Variants in NYAP2 observed in about 807,000 individuals in gnomAD.
The protein encoded by NYAP2 is neuronal tyrosine-phosphorylated phosphoinositide-3-kinase adapter 2.
In NYAP2, 23 loss-of-function variants were observed where a neutral mutation model predicts 50.4. The ratio of observed to expected loss-of-function variants is 0.46; its 90% CI spans 0.33 to 0.65. The LOEUF (loss-of-function observed/expected upper bound fraction) is 0.65, where lower values mean the gene tolerates loss of function less well. Among genes scored for constraint, NYAP2 ranks in the 30% least tolerant of loss-of-function variants. NYAP2 has a pLI of 0.02. For synonymous variants in NYAP2, 394 were observed against 365.2 expected (o/e 1.08, Z -0.90); for missense variants, 885 against 861.0 (o/e 1.03, Z -0.35).
chr2:225,468,776 G>C (rs1167053009), intron 3 of NYAP2, among the ~76,000 whole-genome samples: 3 of 152,150 alleles, frequency 2.0e-5, no homozygotes, highest in Non-Finnish European at 2.9e-5. Flanking sequence ...AAGTCACTGA[G>C]GACATGAAGA....
At chr2:225,456,126 T>C (rs1689734695) in intron 3 of NYAP2, among the ~76,000 whole-genome samples, 3 of 152,318 alleles carry the variant, frequency 2.0e-5, no homozygotes, top group Admixed American at 6.5e-5. Flanking sequence ...TTGTCACACA[T>C]TACATTTGCA....
chr2:225,444,277 C>T (rs1391624170), intron 3 of NYAP2, among the ~76,000 whole-genome samples: 1 of 152,092 alleles, frequency 6.6e-6, no homozygotes, highest in East Asian at 1.9e-4. Context: ...CCAACATGGC[C>T]AGAATCAATA....
intron 3 of NYAP2, among the ~76,000 whole-genome samples, chr2:225,500,875 C>A (rs1225302132): frequency 6.6e-6 from 1 of 152,108 alleles, no homozygotes; most frequent in Non-Finnish European, 1.5e-5. Context: ...TCATGCTAAT[C>A]CCTTTCTTCC....
chr2:225,460,238 A>G (rs1448796359), intron 3 of NYAP2, among the ~76,000 whole-genome samples: 4 of 152,210 alleles, frequency 2.6e-5, no homozygotes, highest in Admixed American at 6.5e-5. Context: ...CTATATAATT[A>G]ATAAGGTAGC....
intron 6 of NYAP2, among the ~76,000 whole-genome samples, chr2:225,633,950 C>T (rs1018953099): frequency 6.6e-6 from 1 of 152,180 alleles, no homozygotes; most frequent in Non-Finnish European, 1.5e-5. Context: ...ATGGATTTGA[C>T]CCTGTGGCAC....
intron 3 of NYAP2, among the ~76,000 whole-genome samples, chr2:225,476,589 TTATCATTTTCTC>T (rs1263162242): frequency 5.3e-5 from 8 of 152,118 alleles, no homozygotes. Context: ...TTAATCTGCA[TTATCATTTTCTC>T]TATCACTTTC....
chr2:225,559,663 AT>A (rs1257059232), intron 4 of NYAP2, among the ~76,000 whole-genome samples: 1 of 152,098 alleles, frequency 6.6e-6, no homozygotes, highest in Non-Finnish European at 1.5e-5. Flanking sequence ...AATGGAAGGA[AT>A]TTTAAAAGCT....
rs546484641 is a variant in NYAP2 at position 225,609,987 on chromosome 2, C to T, written c.1619-16930C>T. On this transcript the variant is annotated intron_variant, in intron 5 of 6. Transcript: ENST00000636099. Reference sequence around the variant, plus strand: ...GGTGTTACTGGGTAAGTCATATAACCTCATTGTGCGTTGGTTTCTTCATCA... The same window carrying T: ...GGTGTTACTGGGTAAGTCATATAACTTCATTGTGCGTTGGTTTCTTCATCA... Among the ~76,000 whole-genome samples the T allele has an allele frequency of 1.1e-3, 174 of 152,202 alleles. 3 individuals are homozygous for T. The highest frequency in any genetic ancestry group is 8.8e-5 in the Non-Finnish European group (6 of 68,010).
intron 6 of NYAP2, among the ~76,000 whole-genome samples, chr2:225,646,369 T>G (rs548721244): frequency 6.0e-4 from 91 of 152,242 alleles, no homozygotes; most frequent in Non-Finnish European, 1.0e-3. Context: ...CTGACCAACA[T>G]GGAGAAAACC....
intron 5 of NYAP2, among the ~76,000 whole-genome samples, chr2:225,614,316 A>G (rs1692949071): frequency 6.6e-6 from 1 of 152,176 alleles, no homozygotes. Flanking sequence ...CATTTTTTAA[A>G]CTATTTCTTA....
intron 3 of NYAP2, among the ~76,000 whole-genome samples, chr2:225,474,662 T>C (rs1012159095): frequency 4.6e-5 from 7 of 152,236 alleles, no homozygotes; most frequent in Non-Finnish European, 7.3e-5. Flanking sequence ...ATTGATTTTG[T>C]ATCCTGAGAC....
At chr2:225,589,516 A>AAAATATAT (rs112700820) in intron 5 of NYAP2, among the ~76,000 whole-genome samples, 14 of 71,338 alleles carry the variant, frequency 2.0e-4, no homozygotes, top group Non-Finnish European at 2.4e-4. Context: ...CTAAAAGTAA[A>AAAATATAT]ATATATATAT....
rs386392796 is a variant in NYAP2 at position 225,625,043 on chromosome 2, T to TAAAAAAA, written c.1619-1851_1619-1845dup. On this transcript the variant is annotated intron_variant, in intron 5 of 6. Transcript: ENST00000636099. ...GTTGATAAGGATTTTAACCCAAGCGTAAAAAAAAAAAAAAAAAAAAAAAAA... is the reference window on the plus strand; with the variant it reads ...GTTGATAAGGATTTTAACCCAAGCGTAAAAAAAAAAAAAAAAAAAAAAAAAAAAAAAA... 4.2e-3 allele frequency among the ~76,000 whole-genome samples: 293 copies of TAAAAAAA among 69,588 alleles called. 12 individuals are homozygous for TAAAAAAA. Among genetic ancestry groups the TAAAAAAA allele is most frequent in the African/African-American group, 0.014 (227 of 16,774 alleles). The allele number at this position is 69,588 out of a possible 152,430, so 45.7% of individuals were successfully genotyped here.
rs376534894 is a variant in NYAP2 at position 225,557,891 on chromosome 2, T to A, written c.524-24050T>A. ...AATCACATTGTTTGGAGGGCCTTTA[T>A]GTTTCTAACAAAGCTACAATTAAGG... On this transcript the variant is annotated intron_variant, in intron 4 of 6. Transcript: ENST00000636099. Among the ~76,000 whole-genome samples the A allele has an allele frequency of 7.4e-4, 113 of 152,352 alleles. No individual in the cohort carries two copies. In the South Asian group the frequency reaches 0.023, roughly 31 times the overall value.
At chr2:225,442,291 A>G (rs1362446130) in intron 3 of NYAP2, among the ~76,000 whole-genome samples, 2 of 152,340 alleles carry the variant, frequency 1.3e-5, no homozygotes, top group African/African-American at 4.8e-5. Context: ...AGAAGGAAAA[A>G]GAGACACTTT....
intron 4 of NYAP2, among the ~76,000 whole-genome samples, chr2:225,516,605 T>TCTACCA (rs1690939434): frequency 6.6e-6 from 1 of 152,254 alleles, no homozygotes; most frequent in African/African-American, 2.4e-5. Flanking sequence ...GCAAATCTCT[T>TCTACCA]CTACCAAGTT....
At chr2:225,434,784 C>T (rs1019836449) in intron 3 of NYAP2, among the ~76,000 whole-genome samples, 2 of 152,168 alleles carry the variant, frequency 1.3e-5, no homozygotes, top group African/African-American at 2.4e-5. Flanking sequence ...GTGAATCACA[C>T]CACCATTTTA....
intron 4 of NYAP2, among the ~76,000 whole-genome samples, chr2:225,544,977 T>C (rs1207408378): frequency 1.3e-5 from 2 of 152,160 alleles, no homozygotes; most frequent in African/African-American, 4.8e-5. Context: ...TAAAAGTTAT[T>C]TTTTTTCCTT....
chr2:225,465,420 A>G (rs1235971778), intron 3 of NYAP2, among the ~76,000 whole-genome samples: 1 of 152,116 alleles, frequency 6.6e-6, no homozygotes, highest in Non-Finnish European at 1.5e-5. Flanking sequence ...TATACATTCT[A>G]AAACCATTCT....
Sources: gnomAD v4.1 joint callset for allele counts (sites outside exome capture counted in the v4.1 genomes callset) on GRCh38, gnomAD v4.1.1 for gene constraint, MANE v1.5 for transcripts, NCBI Gene and HGNC (gene_info 2026-07-23, HGNC 2026-07-21) for gene names.